The following MKRN2 variants were observed in gnomAD, a reference collection of about 807,000 sequenced individuals.
The protein encoded by MKRN2 is E3 ubiquitin-protein ligase makorin-2.
A neutral mutation model predicts 45.4 loss-of-function variants in MKRN2; 32 were observed. The ratio of observed to expected loss-of-function variants is 0.70; its 90% CI spans 0.53 to 0.95. The LOEUF (loss-of-function observed/expected upper bound fraction) is 0.95. MKRN2 is among the 40% of genes least tolerant of loss of function. MKRN2 has a pLI of 0.00. For synonymous variants in MKRN2, 206 were observed against 192.4 expected (o/e 1.07, Z -0.59); for missense variants, 526 against 536.7 (o/e 0.98, Z 0.20).
chr3:12,571,111 G>A (rs1410673916), intron 3 of MKRN2, among the ~76,000 whole-genome samples: 1 of 72,328 alleles, frequency 1.4e-5, no homozygotes, highest in East Asian at 2.1e-4. Flanking sequence ...TTTTTGTTGT[G>A]TTTTTTGTTT....
At chr3:12,560,914 G>A (rs1488207144) in intron 1 of MKRN2, 2 of 152,194 alleles carry the variant, frequency 1.3e-5, no homozygotes, top group African/African-American at 2.4e-5. Context: ...ACATGAAAGA[G>A]GCTTGGAGTA....
At position 12,575,022 on chromosome 3, in the gene MKRN2, G is replaced by C; in HGVS notation, c.857+16G>C. On this transcript the variant is annotated intron_variant, in intron 5 of 7. Transcript: ENST00000170447. ...CAATCATTAAGTAAGTACAGCCAGGGGTCTTAGCTGTGGGAGCTAGGAGAA... is the reference window on the plus strand; with the variant it reads ...CAATCATTAAGTAAGTACAGCCAGGCGTCTTAGCTGTGGGAGCTAGGAGAA... The C allele has an allele frequency of 6.2e-7, 1 of 1,605,700 alleles. No homozygotes were observed. Among genetic ancestry groups the C allele is most frequent in the Non-Finnish European group, 8.5e-7 (1 of 1,172,556 alleles).
chr3:12,581,604 T>G (rs1164577799), intron 6 of MKRN2, among the ~76,000 whole-genome samples: 1 of 152,122 alleles, frequency 6.6e-6, no homozygotes, highest in Non-Finnish European at 1.5e-5. Context: ...TGGGGATACT[T>G]CCTATCCTGC....
rs10598451 is a variant in MKRN2, at chr3:12,565,524, C to CTTTTTTT, written c.27-3330_27-3324dup. ...TGAAAAGATTCTTTCCCCAACTTAC[C>CTTTTTTT]TTTTTTTTTTTTTTTTTTTTTTTTT... On this transcript the variant is annotated intron_variant, in intron 1 of 7. Transcript: ENST00000170447. Among the ~76,000 whole-genome samples, 6 of 91,960 alleles carry CTTTTTTT rather than the reference C, an allele frequency of 6.5e-5. 1 individual carries two copies. Among genetic ancestry groups the CTTTTTTT allele is most frequent in the African/African-American group, 9.4e-5 (2 of 21,256 alleles). The allele number at this position is 91,960 out of a possible 152,430, so 60.3% of individuals were successfully genotyped here.
chr3:12,566,918 A>G (rs1056202547), intron 1 of MKRN2, among the ~76,000 whole-genome samples: 5 of 152,198 alleles, frequency 3.3e-5, no homozygotes, highest in African/African-American at 1.2e-4. Flanking sequence ...TCTTATTTAA[A>G]TCATCCATTT....
chr3:12,572,106 C>T lies in MKRN2; in HGVS notation c.375C>T (p.Ser125=). The T allele has an allele frequency of 1.2e-6, 2 of 1,613,122 alleles. No homozygotes were observed. The highest frequency in any genetic ancestry group is 1.7e-6 in the Non-Finnish European group (2 of 1,179,424). Residue 125 remains serine (S), a synonymous_variant, in exon 4 of 8, where the codon AGC becomes AGT. Transcript: ENST00000170447. ...TGGCTGAAAGGAAGACCCAGCCGAG[C>T]ATGGTGAGTAATCCAGGCAGCTGCA... The part of the protein sequence containing the change: ...SGMAERKTQP[S]MVSNPGSCSD...
At chr3:12,569,029 C>G in intron 2 of MKRN2, 26 bp downstream of exon 2, 1 of 1,595,668 alleles carries the variant, frequency 6.3e-7, no homozygotes, top group South Asian at 1.1e-5. Context: ...CAGATTCCAG[C>G]TGTGACACTG....
At chr3:12,563,841 T>C (rs1270671123) in intron 1 of MKRN2, among the ~76,000 whole-genome samples, 2 of 24,166 alleles carry the variant, frequency 8.3e-5, no homozygotes, top group Non-Finnish European at 1.9e-4. Context: ...ATCTTGTTTA[T>C]GCATTCGTCC....
intron 6 of MKRN2, among the ~76,000 whole-genome samples, chr3:12,578,491 T>A (rs1249006733): frequency 6.6e-6 from 1 of 152,022 alleles, no homozygotes; most frequent in African/African-American, 2.4e-5. Context: ...CTAATTTTTG[T>A]ATTTTAGTAG....
chr3:12,564,445 T>TA (rs1246684885), intron 1 of MKRN2, among the ~76,000 whole-genome samples: 2 of 152,234 alleles, frequency 1.3e-5, no homozygotes, highest in African/African-American at 4.8e-5. Flanking sequence ...CATACTCACA[T>TA]TTATTTCAAA....
In MKRN2 at chr3:12,582,308, C is replaced by T; in HGVS notation, c.*55C>T. 6.2e-7 allele frequency: 1 copy of T among 1,607,068 alleles called. No homozygotes were observed. The highest frequency in any genetic ancestry group is 8.5e-7 in the Non-Finnish European group (1 of 1,174,922). Reference sequence around the variant, plus strand: ...TCCATCGGCCGAAACTTTCCCAAGCCAGGGTGTGCGGAGCTTCCCTGTACT... The same window carrying T: ...TCCATCGGCCGAAACTTTCCCAAGCTAGGGTGTGCGGAGCTTCCCTGTACT... On this transcript the variant is annotated 3_prime_UTR_variant, in exon 8 of 8. Coordinates refer to ENST00000170447, the MANE Select transcript of MKRN2 (RefSeq NM_014160.5).
At chr3:12,574,177 A>G (rs1021006767) in intron 4 of MKRN2, among the ~76,000 whole-genome samples, 4 of 152,152 alleles carry the variant, frequency 2.6e-5, no homozygotes, top group African/African-American at 9.7e-5. Context: ...TCTTTATGCA[A>G]GTGTGTGAGG....
chr3:12,562,780 G>A (rs1051689258), intron 1 of MKRN2, among the ~76,000 whole-genome samples: 2 of 151,890 alleles, frequency 1.3e-5, no homozygotes, highest in African/African-American at 4.8e-5. Context: ...TCTACGTTGT[G>A]TGCTTCTTAT....
At chr3:12,570,883 CAAAAAAA>C (rs889392244) in intron 3 of MKRN2, among the ~76,000 whole-genome samples, 2 of 48,810 alleles carry the variant, frequency 4.1e-5, no homozygotes, top group South Asian at 7.1e-4. Context: ...GACTCCCTCT[CAAAAAAA>C]AAAAAAAAAA....
rs145008240 is a variant in MKRN2 at position 12,572,475 on chromosome 3, A to G, written c.642+102A>G. The G allele has an allele frequency of 1.0e-5, 11 of 1,088,970 alleles. No homozygotes were observed. The African/African-American group carries it at 1.8e-4, about 18-fold the overall frequency. The allele number at this position is 1,088,970 out of a possible 1,614,324, so 67.5% of individuals were successfully genotyped here. A position where few individuals can be genotyped will look rare whatever the true frequency, so the allele number is the denominator to read the frequency against. ...TATACACTCAAGAAATCTGAAATGT[A>G]CTAAGTGACAGAATTGTTGGTATTT... On this transcript the variant is annotated intron_variant, in intron 4 of 7. Coordinates refer to ENST00000170447, the MANE Select transcript of MKRN2 (RefSeq NM_014160.5).
At position 12,572,316 on chromosome 3, in the gene MKRN2, C is replaced by A; in HGVS notation, c.585C>A (p.Ile195=). Residue 195 remains isoleucine (I), a synonymous_variant, in exon 4 of 8, where the codon ATC becomes ATA. Coordinates refer to ENST00000170447, the MANE Select transcript of MKRN2 (RefSeq NM_014160.5). ...CVYLHGEVCE[I]CRLQVLHPFD... ...ACCTGCACGGGGAGGTGTGTGAAAT[C>A]TGTAGGCTGCAAGTCTTGCACCCAT... 1 of 1,610,528 alleles carries A rather than the reference C, an allele frequency of 6.2e-7. No homozygotes were observed. The highest frequency in any genetic ancestry group is 8.5e-7 in the Non-Finnish European group (1 of 1,177,288).
intron 5 of MKRN2, 54 bp from the exon 6 acceptor site, chr3:12,576,577 G>T (rs1258689453): frequency 7.7e-7 from 1 of 1,297,148 alleles, no homozygotes. Flanking sequence ...AGCAGAGAGT[G>T]TGCCCAGGCT....
At chr3:12,575,119 G>A (rs530265205) in intron 5 of MKRN2, 113 bp downstream of exon 5, 4 of 965,016 alleles carry the variant, frequency 4.1e-6, no homozygotes, top group East Asian at 2.6e-5. Flanking sequence ...GGTGAGTTCT[G>A]GCCCCTGGCT....
intron 1 of MKRN2, among the ~76,000 whole-genome samples, chr3:12,561,952 A>G (rs1306118466): frequency 1.3e-5 from 2 of 152,154 alleles, no homozygotes; most frequent in African/African-American, 4.8e-5. Flanking sequence ...AACTAGGACA[A>G]GTGGGTCCCA....
Sources: gnomAD v4.1 joint callset for allele counts (sites outside exome capture counted in the v4.1 genomes callset) on GRCh38, gnomAD v4.1.1 for gene constraint, MANE v1.5 for transcripts, NCBI Gene and HGNC (gene_info 2026-07-23, HGNC 2026-07-21) for gene names.